Variants in SLC43A1 observed in about 807,000 individuals in gnomAD.
SLC43A1 encodes solute carrier family 43 member 1.
In SLC43A1, 31 loss-of-function variants were observed where a neutral mutation model predicts 59.5. That is an observed-to-expected ratio of 0.52 (90% CI 0.39 to 0.70). SLC43A1 has a LOEUF of 0.70. SLC43A1 is among the 30% of genes least tolerant of loss of function. SLC43A1 has a pLI of 0.00. For missense variants in SLC43A1, 598 were observed against 717.8 expected, an observed-to-expected ratio of 0.83 and a Z score of 1.91; for synonymous variants, 259 against 290.9, an observed-to-expected ratio of 0.89 and a Z score of 1.12.
chr11:57,501,177 G>T lies in SLC43A1; in HGVS notation c.307C>A (p.Pro103Thr). The T allele has an allele frequency of 1.2e-6, 2 of 1,612,418 alleles. No homozygotes were observed. Among genetic ancestry groups the T allele is most frequent in the Non-Finnish European group, 1.7e-6 (2 of 1,180,024 alleles). The change falls in exon 3 of 15, where the codon CCC (proline) becomes ACC (threonine). Residue 103 changes from proline (P) to threonine (T), a missense_variant. Physicochemically the swap from Pro to Thr is conservative, Grantham distance 38 (BLOSUM62 -1). Transcript: ENST00000278426. ...CTGCCAACCAGCCGCACGGGTCGGG[G>T]GCCAAAGCGGTCCATGAGGATCCCC... ...PLGILMDRFG[P>T]RPVRLVGSAC...
rs552397501 is a variant in SLC43A1 at position 57,486,341 on chromosome 11, A to T, written c.1533+754T>A. On this transcript the variant is annotated intron_variant, in intron 14 of 14. Coordinates refer to ENST00000278426, the MANE Select transcript of SLC43A1 (RefSeq NM_003627.6). ...GTTTATCTGTACAAAATTTTTTTTT[A>T]AAAAATTAGCCAGGTATGGTAGCCA... Among the ~76,000 whole-genome samples, 502 of 151,962 alleles carry T rather than the reference A, an allele frequency of 3.3e-3. 1 individual carries two copies. The highest frequency in any genetic ancestry group is 4.3e-3 in the Non-Finnish European group (293 of 67,914).
intron 8 of SLC43A1, among the ~76,000 whole-genome samples, chr11:57,492,469 A>T (rs1466694964): frequency 1.5e-5 from 2 of 134,806 alleles, no homozygotes; most frequent in Non-Finnish European, 3.1e-5. Context: ...ATATATATAT[A>T]ATTTATATAT....
rs1170096064 is a variant in SLC43A1 at position 57,514,344 on chromosome 11, T to C, written c.-13-220A>G. Reference sequence around the variant, plus strand: ...GCACGGGGCTCCCGCTGAGCCACTATCGGAAACAAGGAAGGTCCTGTCTGC... The same window carrying C: ...GCACGGGGCTCCCGCTGAGCCACTACCGGAAACAAGGAAGGTCCTGTCTGC... On this transcript the variant is annotated intron_variant, in intron 1 of 14. Transcript: ENST00000278426. The surrounding 1 kb of genome is among the most constrained non-coding windows in gnomAD (Gnocchi z 5.5). 7.5e-5 allele frequency: 42 copies of C among 556,798 alleles called. No homozygotes were observed. The highest frequency in any genetic ancestry group is 9.6e-4 in the Middle Eastern group (2 of 2,074). 34.5% of individuals were successfully genotyped at this position (556,798 alleles called of 1,614,324 possible). A position where few individuals can be genotyped will look rare whatever the true frequency, so the allele number is the denominator to read the frequency against.
chr11:57,485,317 C>T (rs1042626434), intron 14 of SLC43A1, 75 bp from the exon 15 acceptor site: 17 of 1,438,300 alleles, frequency 1.2e-5, no homozygotes, highest in South Asian at 8.5e-5. Context: ...GAGGAGAAGG[C>T]GGCCATTTTT....
chr11:57,514,962 C>T lies in SLC43A1; in HGVS notation c.-14+482G>A, dbSNP rs1028047219. The T allele has an allele frequency of 2.4e-5, 23 of 974,294 alleles. No homozygotes were observed. Among genetic ancestry groups the T allele is most frequent in the Non-Finnish European group, 2.8e-5 (23 of 819,984 alleles). The allele number at this position is 974,294 out of a possible 1,614,324, so 60.4% of individuals were successfully genotyped here. ...AGGGAGGGAAAGAGCCCCAGCTCCC[C>T]CCGCCGCGGCCGCTGCAGCCTCGGC... is the stretch of plus-strand genomic sequence containing the variant. On this transcript the variant is annotated intron_variant, in intron 1 of 14. Coordinates refer to ENST00000278426, the MANE Select transcript of SLC43A1 (RefSeq NM_003627.6). This position sits in a 1 kb window ranked among gnomAD's most constrained non-coding sequence, Gnocchi z 5.5.
rs1321770834 is a variant in SLC43A1, at chr11:57,484,577, A to C, written c.*519T>G. ...ATTTCCTCTAAGACTTGCAAGCAGCAGCACCAGAGAGGGAACCTGCCCTCC... is the reference window on the plus strand; with the variant it reads ...ATTTCCTCTAAGACTTGCAAGCAGCCGCACCAGAGAGGGAACCTGCCCTCC... On this transcript the variant is annotated 3_prime_UTR_variant, in exon 15 of 15. Transcript: ENST00000278426. 6.6e-6 allele frequency: 1 copy of C among 152,362 alleles called. No individual in the cohort carries two copies. The highest frequency in any genetic ancestry group is 2.4e-5 in the African/African-American group (1 of 41,472). The allele number at this position is 152,362 out of a possible 1,614,324, so 9.4% of individuals were successfully genotyped here.
intron 8 of SLC43A1, among the ~76,000 whole-genome samples, chr11:57,493,400 A>G (rs1398933119): frequency 3.3e-5 from 5 of 152,280 alleles, no homozygotes; most frequent in Middle Eastern, 6.8e-3. Context: ...TTTTAGTGCT[A>G]GTTTAAGAGG....
Position 57,514,813 on chromosome 11 carries a change from T to A in SLC43A1, c.-14+631A>T, listed in dbSNP as rs1231863939. 11 of 985,206 alleles carry A rather than the reference T, an allele frequency of 1.1e-5. No individual in the cohort carries two copies. In the African/African-American group the frequency reaches 1.9e-4, roughly 17 times the overall value. 61.0% of individuals were successfully genotyped at this position (985,206 alleles called of 1,614,324 possible). ...GGCTCGGGGCACCAGGCTTTGCACC[T>A]CGGAACCCGCTTGCCCCCCTCCAGC... On this transcript the variant is annotated intron_variant, in intron 1 of 14. Transcript: ENST00000278426. The surrounding 1 kb of genome is among the most constrained non-coding windows in gnomAD (Gnocchi z 5.5).
In SLC43A1 at chr11:57,491,216, C is replaced by T; in HGVS notation, c.1193+8G>A. ...CTTGCTGTCACCATCCCTGTACAGGCAGGTCACCTGGCATCTCCGAGGACA... is the reference window on the plus strand; with the variant it reads ...CTTGCTGTCACCATCCCTGTACAGGTAGGTCACCTGGCATCTCCGAGGACA... On this transcript the variant is annotated splice_region_variant and intron_variant, in intron 11 of 14. Transcript: ENST00000278426. The T allele has an allele frequency of 6.4e-7, 1 of 1,551,188 alleles. No individual in the cohort carries two copies. Among genetic ancestry groups the T allele is most frequent in the South Asian group, 1.2e-5 (1 of 81,314 alleles).
intron 2 of SLC43A1, among the ~76,000 whole-genome samples, chr11:57,504,940 A>G (rs540570486): frequency 5.9e-5 from 9 of 152,216 alleles, no homozygotes; most frequent in Non-Finnish European, 1.2e-4. Context: ...TTCTGAACTA[A>G]AAGGAGAGCC....
At position 57,501,283 on chromosome 11, in the gene SLC43A1, T is replaced by C; in HGVS notation, c.201A>G (p.Pro67=). The part of the protein sequence containing the change: ...NTTQDEQRRW[P]GCDQQDEMLN... ...GCATCTCGTCCTGCTGGTCACAGCCTGGCCACCTGCGCTGCTCATCCTGGG... is the reference window on the plus strand; with the variant it reads ...GCATCTCGTCCTGCTGGTCACAGCCCGGCCACCTGCGCTGCTCATCCTGGG... Residue 67 remains proline (P), a synonymous_variant, in exon 3 of 15, where the codon CCA becomes CCG. Transcript: ENST00000278426. 2 of 1,611,924 alleles carry C rather than the reference T, an allele frequency of 1.2e-6. No individual in the cohort carries two copies. Among genetic ancestry groups the C allele is most frequent in the Non-Finnish European group, 1.7e-6 (2 of 1,180,020 alleles).
chr11:57,506,918 G>C (rs745596150), intron 2 of SLC43A1, among the ~76,000 whole-genome samples: 2 of 152,182 alleles, frequency 1.3e-5, no homozygotes, highest in African/African-American at 2.4e-5. Flanking sequence ...GTGATAAATT[G>C]AACTGCTTCT....
chr11:57,493,866 A>G, intron 8 of SLC43A1, 127 bp downstream of exon 8: 1 of 854,428 alleles, frequency 1.2e-6, no homozygotes, highest in East Asian at 3.1e-5. Context: ...AGCATGCCCC[A>G]CCTACATCAT....
Position 57,496,547 on chromosome 11 carries a change from G to C in SLC43A1, c.559-383C>G, listed in dbSNP as rs1317352470. On this transcript the variant is annotated intron_variant, in intron 6 of 14. Transcript: ENST00000278426. ...TCATAGTACGTACAAAGGAAACTTAGTGCTCTAGGTTTACCGGGCCTAATC... is the reference window on the plus strand; with the variant it reads ...TCATAGTACGTACAAAGGAAACTTACTGCTCTAGGTTTACCGGGCCTAATC... Among the ~76,000 whole-genome samples the C allele has an allele frequency of 2.0e-5, 3 of 152,166 alleles. No individual in the cohort carries two copies. The South Asian group carries it at 6.2e-4, about 32-fold the overall frequency.
In SLC43A1 at chr11:57,496,087, G is replaced by A; in HGVS notation, c.636C>T (p.Asn212=). The change falls in exon 7 of 15, where the codon AAC becomes AAT. Residue 212 remains asparagine, a synonymous_variant. Coordinates refer to ENST00000278426, the MANE Select transcript of SLC43A1 (RefSeq NM_003627.6). The part of the protein sequence containing the change: ...WSGLACLIFL[N]CTLNWPIEAF... ...CTTCGATGGGCCAGTTGAGGGTGCA[G>A]TTCAGAAAGATAAGGCAGGCCAGGC... 1.2e-6 allele frequency: 2 copies of A among 1,614,204 alleles called. No individual in the cohort carries two copies. The highest frequency in any genetic ancestry group is 1.7e-6 in the Non-Finnish European group (2 of 1,180,032).
At chr11:57,493,047 G>C (rs1016766647) in intron 8 of SLC43A1, among the ~76,000 whole-genome samples, 5 of 152,172 alleles carry the variant, frequency 3.3e-5, no homozygotes, top group Admixed American at 2.6e-4. Flanking sequence ...CTCGGGGCGG[G>C]GGGGAAAGAA....
chr11:57,503,621 C>A (rs1944322915), intron 2 of SLC43A1, among the ~76,000 whole-genome samples: 1 of 152,180 alleles, frequency 6.6e-6, no homozygotes, highest in Admixed American at 6.6e-5. Flanking sequence ...CTGTGCCCGG[C>A]CTCTCTACAG....
At chr11:57,512,350 G>A (rs1418398624) in intron 2 of SLC43A1, among the ~76,000 whole-genome samples, 4 of 152,066 alleles carry the variant, frequency 2.6e-5, no homozygotes, top group African/African-American at 4.8e-5. Context: ...CCAGCACTGC[G>A]GGAGGCCGAG....
intron 8 of SLC43A1, 32 bp downstream of exon 8, chr11:57,493,961 C>T (rs768509683): frequency 6.5e-7 from 1 of 1,547,364 alleles, no homozygotes; most frequent in East Asian, 2.3e-5. Context: ...CATCACTATC[C>T]CCCAAGGCCG....
Sources: allele counts gnomAD v4.1 joint callset (sites outside exome capture counted in the v4.1 genomes callset), GRCh38; gene constraint gnomAD v4.1.1; non-coding constraint Gnocchi (gnomAD v3.1); transcripts MANE v1.5; gene names NCBI Gene and HGNC (gene_info 2026-07-23, HGNC 2026-07-21).